Variants in ADAM2 observed in about 807,000 individuals in gnomAD.
The protein encoded by ADAM2 is ADAM metallopeptidase domain 2, also known as disintegrin and metalloproteinase domain-containing protein 2.
In ADAM2, 101 loss-of-function variants were observed where a neutral mutation model predicts 99.3. The observed-to-expected ratio is 1.02, with a 90% CI of 0.87 to 1.20. ADAM2 has a LOEUF of 1.20. Among genes scored for constraint, ADAM2 ranks in the 50% most tolerant of loss-of-function variants. ADAM2 has a pLI of 0.00. For missense variants in ADAM2, 948 were observed against 878.7 expected, an observed-to-expected ratio of 1.08 and a Z score of -1.00; for synonymous variants, 323 against 287.6, an observed-to-expected ratio of 1.12 and a Z score of -1.25.
chr8:39,802,244 C>A (rs897756474), intron 7 of ADAM2, among the ~76,000 whole-genome samples: 3 of 152,128 alleles, frequency 2.0e-5, no homozygotes, highest in Non-Finnish European at 4.4e-5. Context: ...CTTCCCCGTG[C>A]GGCTCTCAGG....
chr8:39,744,984 AT>A, intron 19 of ADAM2, 91 bp from the exon 20 acceptor site: 1 of 997,138 alleles, frequency 1.0e-6, no homozygotes, highest in Non-Finnish European at 1.5e-6. Context: ...ACAGTTCTGA[AT>A]TTTTACCTAA....
At chr8:39,748,072 G>T (rs1823548420) in intron 18 of ADAM2, among the ~76,000 whole-genome samples, 1 of 152,146 alleles carries the variant, frequency 6.6e-6, no homozygotes, top group East Asian at 1.9e-4. Flanking sequence ...TGTTGGTTAT[G>T]AATTTGAGGA....
chr8:39,783,984 G>A (rs1803345845), intron 10 of ADAM2, among the ~76,000 whole-genome samples: 1 of 151,976 alleles, frequency 6.6e-6, no homozygotes, highest in Non-Finnish European at 1.5e-5. Flanking sequence ...ATCATATGCT[G>A]ATTATTCTTT....
intron 14 of ADAM2, among the ~76,000 whole-genome samples, chr8:39,765,026 AAAATAAATAAATAAATAAAT>A (rs61653294): frequency 4.6e-4 from 67 of 145,252 alleles, no homozygotes; most frequent in Admixed American, 1.2e-3. Context: ...CCGGCTCCAA[AAAATAAATAAATAAATAAAT>A]AAATAAATAA....
At chr8:39,794,664 C>G (rs550584493) in intron 7 of ADAM2, among the ~76,000 whole-genome samples, 46 of 152,176 alleles carry the variant, frequency 3.0e-4, no homozygotes, top group African/African-American at 1.1e-3. Flanking sequence ...TTGTTCTGAT[C>G]TAGTTACTGG....
At chr8:39,771,092 C>T (rs1449427887) in intron 11 of ADAM2, among the ~76,000 whole-genome samples, 2 of 152,212 alleles carry the variant, frequency 1.3e-5, no homozygotes. Context: ...TCACCAACTC[C>T]TCCGAGGTCA....
intron 7 of ADAM2, among the ~76,000 whole-genome samples, chr8:39,791,562 C>T (rs529979214): frequency 1.2e-4 from 19 of 152,150 alleles, no homozygotes; most frequent in African/African-American, 4.1e-4. Flanking sequence ...TTAGACTTCT[C>T]TGCCTTCCTC....
intron 3 of ADAM2, among the ~76,000 whole-genome samples, chr8:39,825,414 A>G (rs1000594465): frequency 5.9e-5 from 9 of 152,110 alleles, no homozygotes; most frequent in African/African-American, 2.2e-4. Context: ...TGATGATAAT[A>G]TAAACTTAGA....
intron 6 of ADAM2, among the ~76,000 whole-genome samples, chr8:39,814,335 G>A (rs1028517729): frequency 4.6e-5 from 7 of 151,636 alleles, no homozygotes; most frequent in African/African-American, 1.7e-4. Flanking sequence ...CTCCAGTCTG[G>A]GTGACAGAGT....
At chr8:39,798,994 T>C (rs1016573386) in intron 7 of ADAM2, among the ~76,000 whole-genome samples, 2 of 93,900 alleles carry the variant, frequency 2.1e-5, no homozygotes, top group African/African-American at 5.3e-5. Flanking sequence ...AACCAGCTCC[T>C]GGATTCATTG....
intron 6 of ADAM2, among the ~76,000 whole-genome samples, chr8:39,816,853 T>A (rs1804963833): frequency 6.6e-6 from 1 of 152,182 alleles, no homozygotes; most frequent in African/African-American, 2.4e-5. Flanking sequence ...TTTGCCACCA[T>A]AATATGAAAG....
intron 2 of ADAM2, among the ~76,000 whole-genome samples, chr8:39,835,784 T>C (rs1805798721): frequency 6.6e-6 from 1 of 152,086 alleles, no homozygotes; most frequent in Admixed American, 6.5e-5. Flanking sequence ...ATTATGTTTA[T>C]AGTATTTGTT....
chr8:39,811,729 G>T (rs12541102), intron 6 of ADAM2, among the ~76,000 whole-genome samples: 4 of 151,924 alleles, frequency 2.6e-5, no homozygotes, highest in African/African-American at 4.8e-5. Flanking sequence ...ATTCAACAGC[G>T]CTTCAGGCTA....
At chr8:39,802,828 A>C (rs1371741705) in intron 7 of ADAM2, among the ~76,000 whole-genome samples, 1 of 152,188 alleles carries the variant, frequency 6.6e-6, no homozygotes, top group African/African-American at 2.4e-5. Flanking sequence ...TCAGAGAAAA[A>C]AAAATCGTTT....
rs138861808 is a variant in ADAM2 at position 39,748,701 on chromosome 8, G to A, written c.2014+611C>T. Among the ~76,000 whole-genome samples the A allele has an allele frequency of 3.1e-3, 477 of 152,232 alleles. 3 individuals carry two copies. Among genetic ancestry groups the A allele is most frequent in the African/African-American group, 1.0e-2 (415 of 41,578 alleles). ...CACTGCCCAAGTTCCTTGACCTGCT[G>A]TCTTCCAGTCAGTTTTGATCACTGG... On this transcript the variant is annotated intron_variant, in intron 18 of 20. Transcript: ENST00000265708.
At chr8:39,764,656 T>A (rs1367405811) in intron 14 of ADAM2, among the ~76,000 whole-genome samples, 3 of 152,164 alleles carry the variant, frequency 2.0e-5, no homozygotes, top group Non-Finnish European at 2.9e-5. Flanking sequence ...GTGCTATTAG[T>A]GTTGGCCTCT....
At position 39,787,045 on chromosome 8, in the gene ADAM2, T is replaced by G; in HGVS notation, c.820A>C (p.Lys274Gln). 6.3e-7 allele frequency: 1 copy of G among 1,593,228 alleles called. No homozygotes were observed. The highest frequency in any genetic ancestry group is 8.6e-7 in the Non-Finnish European group (1 of 1,169,016). ...AAGGTTGCACCAACATAATTTGACTTTTCTCTGTAACTTAAGTTTAAAAAG... is the reference window on the plus strand; with the variant it reads ...AAGGTTGCACCAACATAATTTGACTGTTCTCTGTAACTTAAGTTTAAAAAG... ...DVAFLLVYREKSNYVGATFQG... is the reference protein window; with the variant it reads ...DVAFLLVYREQSNYVGATFQG... The change falls in exon 10 of 21, where the codon AAG becomes CAG. Residue 274 changes from lysine (K) to glutamine (Q), a missense_variant. By Grantham distance (53) the Lys-to-Gln change is moderately conservative. Coordinates refer to ENST00000265708, the MANE Select transcript of ADAM2 (RefSeq NM_001464.5).
At chr8:39,821,734 CAT>C (rs1210744874) in intron 4 of ADAM2, 72 bp from the exon 5 acceptor site, 9 of 1,069,362 alleles carry the variant, frequency 8.4e-6, no homozygotes, top group East Asian at 5.0e-5. Flanking sequence ...ATATGTAAAA[CAT>C]ATATGTGTTT....
intron 6 of ADAM2, among the ~76,000 whole-genome samples, chr8:39,813,827 T>A (rs1209193201): frequency 6.6e-6 from 1 of 151,702 alleles, no homozygotes; most frequent in Non-Finnish European, 1.5e-5. Context: ...AAATGACGAG[T>A]TAATGGGTGC....
Sources: allele counts gnomAD v4.1 joint callset (sites outside exome capture counted in the v4.1 genomes callset), GRCh38; gene constraint gnomAD v4.1.1; transcripts MANE v1.5; gene names NCBI Gene and HGNC (gene_info 2026-07-23, HGNC 2026-07-21).